RBFOX1: variants seen among roughly 807,000 people sequenced by gnomAD.
RBFOX1 encodes the protein RNA binding fox-1 homolog 1.
RBFOX1 carries 8 observed loss-of-function variants against 57.7 expected under a neutral mutation model. The ratio of observed to expected loss-of-function variants is 0.14; its 90% CI spans 0.08 to 0.25. The LOEUF (loss-of-function observed/expected upper bound fraction) is 0.25, where lower values mean the gene tolerates loss of function less well. Among genes scored for constraint, RBFOX1 ranks in the 10% least tolerant of loss-of-function variants. The probability of loss-of-function intolerance (pLI) is 1.00; values close to 1 mark genes in which losing one functional copy is unlikely to be tolerated. For synonymous variants in RBFOX1, 326 were observed against 222.4 expected, an observed-to-expected ratio of 1.47 and a Z score of -4.15; for missense variants, 611 against 548.5, an observed-to-expected ratio of 1.11 and a Z score of -1.14.
intron 1 of RBFOX1, among the ~76,000 whole-genome samples, chr16:5,290,330 C>G (rs1445175196): frequency 6.6e-6 from 1 of 152,042 alleles, no homozygotes; most frequent in Non-Finnish European, 1.5e-5. Context: ...CCACTGCACT[C>G]CAGCCTGTGA....
chr16:7,247,463 G>T (rs1314167163), intron 4 of RBFOX1, among the ~76,000 whole-genome samples: 4 of 152,108 alleles, frequency 2.6e-5, no homozygotes, highest in South Asian at 2.1e-4. Flanking sequence ...TAAGTTCCTG[G>T]TATGTGATAG....
rs530893071 is a variant in RBFOX1 at position 5,541,307 on chromosome 16, TAG to T, written c.259-57590_259-57589del. On this transcript the variant is annotated intron_variant, in intron 2 of 2. Coordinates refer to the RBFOX1 transcript ENST00000585867. ...AATCTGAGACAGGTCTCAGTTAATT[TAG>T]AGAGTTTATTTTGTCAAGGTTGAGG... is the stretch of plus-strand genomic sequence containing the variant. 1.6e-4 allele frequency among the ~76,000 whole-genome samples: 24 copies of T among 152,208 alleles called. No individual in the cohort carries two copies. The South Asian group carries it at 4.8e-3, about 30-fold the overall frequency.
At chr16:7,098,349 T>C (rs530551757) in intron 4 of RBFOX1, among the ~76,000 whole-genome samples, 1 of 152,260 alleles carries the variant, frequency 6.6e-6, no homozygotes, top group South Asian at 2.1e-4. Flanking sequence ...TTTATATTTT[T>C]AGTGGAGATG....
intron 3 of RBFOX1, among the ~76,000 whole-genome samples, chr16:5,632,806 A>G (rs1353955624): frequency 6.6e-6 from 1 of 152,172 alleles, no homozygotes; most frequent in African/African-American, 2.4e-5. Flanking sequence ...CCTGTGAGGT[A>G]GGTACTCTTC....
At chr16:6,756,498 C>T (rs758130530) in intron 3 of RBFOX1, among the ~76,000 whole-genome samples, 1 of 152,010 alleles carries the variant, frequency 6.6e-6, no homozygotes, top group Non-Finnish European at 1.5e-5. Flanking sequence ...TTTGGCACAA[C>T]AAAGGAAACA....
At chr16:6,505,134 C>G (rs527567846) in intron 2 of RBFOX1, among the ~76,000 whole-genome samples, 11 of 152,144 alleles carry the variant, frequency 7.2e-5, no homozygotes, top group East Asian at 3.9e-4. Flanking sequence ...TTTTCCTTCA[C>G]CAGACTTGGG....
chr16:7,178,846 A>G (rs9936698), intron 4 of RBFOX1, among the ~76,000 whole-genome samples: 125 of 152,302 alleles, frequency 8.2e-4, no homozygotes, highest in African/African-American at 2.6e-3. Context: ...TATAAGGAAC[A>G]TACTTCATAC....
intron 3 of RBFOX1, among the ~76,000 whole-genome samples, chr16:6,657,029 TGTC>T (rs1339377712): frequency 9.7e-6 from 1 of 102,648 alleles, no homozygotes; most frequent in African/African-American, 4.2e-5. Context: ...TTTCCTCTCC[TGTC>T]CTCCCCTTTC....
At chr16:6,576,300 C>G (rs1231081630) in intron 2 of RBFOX1, among the ~76,000 whole-genome samples, 3 of 152,120 alleles carry the variant, frequency 2.0e-5, no homozygotes, top group African/African-American at 7.2e-5. Flanking sequence ...GCTGAGACGA[C>G]GTAGACATGC....
Position 6,707,398 on chromosome 16 carries a change from C to G in RBFOX1, c.-16+52748C>G, listed in dbSNP as rs114517177. 5.0e-3 allele frequency among the ~76,000 whole-genome samples: 760 copies of G among 151,464 alleles called. 8 individuals carry two copies. Among genetic ancestry groups the G allele is most frequent in the African/African-American group, 0.017 (721 of 41,246 alleles). ...AAAACATCATTTTAGGGAAATCATACGTTAACAGCTCCTACAATTGTCTTC... is the reference window on the plus strand; with the variant it reads ...AAAACATCATTTTAGGGAAATCATAGGTTAACAGCTCCTACAATTGTCTTC... On this transcript the variant is annotated intron_variant, in intron 3 of 15. Coordinates refer to ENST00000550418, the MANE Select transcript of RBFOX1 (RefSeq NM_018723.4).
At chr16:6,974,862 C>G (rs1003642323) in intron 3 of RBFOX1, among the ~76,000 whole-genome samples, 6 of 152,132 alleles carry the variant, frequency 3.9e-5, no homozygotes, top group Admixed American at 2.0e-4. Context: ...TCAGTGCTCC[C>G]TGGAAGGTGT....
At chr16:6,957,715 G>C (rs28555679) in intron 3 of RBFOX1, among the ~76,000 whole-genome samples, 8,421 of 152,122 alleles carry the variant, frequency 0.055, 722 homozygotes, top group African/African-American at 0.19. Flanking sequence ...AGGTCTCAGC[G>C]TCATTTTACC....
intron 4 of RBFOX1, among the ~76,000 whole-genome samples, chr16:7,153,616 G>A (rs376259527): frequency 1.3e-5 from 2 of 151,624 alleles, no homozygotes; most frequent in African/African-American, 4.8e-5. Flanking sequence ...GGTGGGGGGA[G>A]GGGGGCGCCT....
rs558569118 is a variant in RBFOX1 at position 6,097,340 on chromosome 16, G to C, written c.-127+77348G>C. ...CCCTTTCTTCCTACCCCTGTGATTT[G>C]GGTGGATATTAAAATTTTGCAAGCC... On this transcript the variant is annotated intron_variant, in intron 1 of 15. Transcript: ENST00000550418. The surrounding 1 kb of genome is among the most constrained non-coding windows in gnomAD (Gnocchi z 5.0). Among the ~76,000 whole-genome samples, 1 of 152,108 alleles carries C rather than the reference G, an allele frequency of 6.6e-6. No individual in the cohort carries two copies. The highest frequency in any genetic ancestry group is 6.5e-5 in the Admixed American group (1 of 15,268).
chr16:7,000,044 C>A (rs1217378955), intron 3 of RBFOX1, among the ~76,000 whole-genome samples: 1 of 149,278 alleles, frequency 6.7e-6, no homozygotes, highest in African/African-American at 2.5e-5. Flanking sequence ...TGCACTCCAG[C>A]CTGGGCAACA....
chr16:7,125,240 A>G (rs1441003436), intron 4 of RBFOX1, among the ~76,000 whole-genome samples: 1 of 152,192 alleles, frequency 6.6e-6, no homozygotes, highest in Non-Finnish European at 1.5e-5. Flanking sequence ...TAGCAGAGAT[A>G]GAACTTTGGG....
In RBFOX1 at chr16:7,518,543, C is replaced by T. The variant is rs543973935; in HGVS notation, c.270+154C>T. Reference sequence around the variant, plus strand: ...CATCATACCAGCTTCCTGAAGTTTACCTCATTTCCATGCATTCATTCTTAG... The same window carrying T: ...CATCATACCAGCTTCCTGAAGTTTATCTCATTTCCATGCATTCATTCTTAG... On this transcript the variant is annotated intron_variant, in intron 5 of 15. Coordinates refer to ENST00000550418, the MANE Select transcript of RBFOX1 (RefSeq NM_018723.4). 2.2e-4 allele frequency among the ~76,000 whole-genome samples: 33 copies of T among 152,350 alleles called. No homozygotes were observed. The South Asian group carries it at 6.6e-3, about 31-fold the overall frequency.
chr16:5,460,929 G>A (rs1253499106), intron 1 of RBFOX1, among the ~76,000 whole-genome samples: 1 of 152,212 alleles, frequency 6.6e-6, no homozygotes, highest in Non-Finnish European at 1.5e-5. Context: ...TCATCAGGAA[G>A]GGGGGTGGGT....
chr16:5,772,555 C>G (rs1056503491), intron 3 of RBFOX1, among the ~76,000 whole-genome samples: 3 of 152,150 alleles, frequency 2.0e-5, no homozygotes, highest in African/African-American at 4.8e-5. Context: ...GTCCTTTATA[C>G]TATAGTATAA....
Sources: gnomAD v4.1 joint callset for allele counts (sites outside exome capture counted in the v4.1 genomes callset) on GRCh38, gnomAD v4.1.1 for gene constraint, Gnocchi (gnomAD v3.1) non-coding constraint, MANE v1.5 for transcripts, NCBI Gene and HGNC (gene_info 2026-07-23, HGNC 2026-07-21) for gene names.